PDZRN3: variants seen among roughly 807,000 people sequenced by gnomAD.
The protein encoded by PDZRN3 is E3 ubiquitin-protein ligase PDZRN3.
Under a neutral mutation model 85.7 loss-of-function variants are expected in PDZRN3, and 38 were observed. The observed-to-expected ratio is 0.44, with a 90% CI of 0.34 to 0.58. The LOEUF (loss-of-function observed/expected upper bound fraction) is 0.58, where lower values mean the gene tolerates loss of function less well. Among genes scored for constraint, PDZRN3 ranks in the 20% least tolerant of loss-of-function variants. The probability of loss-of-function intolerance (pLI) is 0.01; values close to 1 mark genes in which losing one functional copy is unlikely to be tolerated. For missense variants in PDZRN3, 1,629 were observed against 1,506.4 expected, an observed-to-expected ratio of 1.08 and a Z score of -1.35; for synonymous variants, 759 against 638.0, an observed-to-expected ratio of 1.19 and a Z score of -2.86.
intron 3 of PDZRN3, among the ~76,000 whole-genome samples, chr3:73,425,339 T>C (rs1186887562): frequency 1.3e-5 from 2 of 152,116 alleles, no homozygotes; most frequent in Admixed American, 1.3e-4. Context: ...TAGTCTTATA[T>C]AATAATGATT....
At chr3:73,463,920 A>G (rs151276083) in intron 3 of PDZRN3, among the ~76,000 whole-genome samples, 95 of 152,292 alleles carry the variant, frequency 6.2e-4, no homozygotes, top group Middle Eastern at 3.4e-3. Flanking sequence ...AAACCTGCAC[A>G]TCCTGCACGT....
intron 3 of PDZRN3, among the ~76,000 whole-genome samples, chr3:73,427,439 C>A (rs1487897018): frequency 1.3e-5 from 2 of 152,138 alleles, no homozygotes; most frequent in Admixed American, 6.5e-5. Flanking sequence ...TACCCACCCC[C>A]CCACCACCGC....
chr3:73,573,122 G>A (rs1702067732), intron 3 of PDZRN3, among the ~76,000 whole-genome samples: 1 of 152,124 alleles, frequency 6.6e-6, no homozygotes, highest in African/African-American at 2.4e-5. Context: ...CTGTCCCAAG[G>A]GCCTCTCTGA....
intron 3 of PDZRN3, among the ~76,000 whole-genome samples, chr3:73,419,244 T>C (rs1702151039): frequency 6.6e-6 from 1 of 152,214 alleles, no homozygotes; most frequent in South Asian, 2.1e-4. Flanking sequence ...GGAGTTCATG[T>C]ACATGACTTT....
chr3:73,426,547 G>C (rs1702319283), intron 3 of PDZRN3, among the ~76,000 whole-genome samples: 1 of 152,104 alleles, frequency 6.6e-6, no homozygotes. Flanking sequence ...CCAACAGATG[G>C]CTAAATTTTT....
intron 3 of PDZRN3, among the ~76,000 whole-genome samples, chr3:73,539,636 C>T (rs757039655): frequency 2.0e-5 from 3 of 152,084 alleles, no homozygotes; most frequent in Non-Finnish European, 2.9e-5. Context: ...GCACCAACTG[C>T]AAGATGAACA....
At chr3:73,550,013 G>A (rs1701514789) in intron 3 of PDZRN3, among the ~76,000 whole-genome samples, 1 of 152,122 alleles carries the variant, frequency 6.6e-6, no homozygotes, top group Non-Finnish European at 1.5e-5. Flanking sequence ...GCAAACAGAG[G>A]GTATGGTCCA....
In PDZRN3 at chr3:73,388,033, C is replaced by T. The variant is rs747518866; in HGVS notation, c.1453G>A (p.Val485Met). ...GIEVQNREEA[V>M]ALLTSEENKN... The stretch of plus-strand genomic sequence containing the variant: ...TTTTCTTCACTGGTTAGAAGAGCCA[C>T]AGCCTCTTCACGGTTCTGCACCTCT... The change falls in exon 8 of 10, where the codon GTG becomes ATG. Residue 485 changes from valine (V) to methionine (M), a missense_variant. Transcript: ENST00000263666. 2 of 1,577,352 alleles carry T rather than the reference C, an allele frequency of 1.3e-6. No individual in the cohort carries two copies. The highest frequency in any genetic ancestry group is 3.4e-5 in the Admixed American group (2 of 58,438).
At chr3:73,474,691 A>T in intron 3 of PDZRN3, 1 of 972,854 alleles carries the variant, frequency 1.0e-6, no homozygotes, top group South Asian at 2.4e-5. Flanking sequence ...ACTGAACAAA[A>T]GAGGAGCAGC....
chr3:73,624,481 C>T lies in PDZRN3; in HGVS notation c.345G>A (p.Ala115=). 1.4e-6 allele frequency: 2 copies of T among 1,402,534 alleles called. No individual in the cohort carries two copies. The highest frequency in any genetic ancestry group is 3.1e-5 in the South Asian group (2 of 64,332). The allele number at this position is 1,402,534 out of a possible 1,614,324, so 86.9% of individuals were successfully genotyped here. The change falls in exon 1 of 10, where the codon GCG becomes GCA. Residue 115 remains alanine (A), a synonymous_variant. Coordinates refer to ENST00000263666, the MANE Select transcript of PDZRN3 (RefSeq NM_015009.3). ...GCCGCAGCAGCACCTGGCCGCAACCCGCGTGGCGACAGCGCGCGGGCGCGA... is the reference window on the plus strand; with the variant it reads ...GCCGCAGCAGCACCTGGCCGCAACCTGCGTGGCGACAGCGCGCGGGCGCGA... ...CDFAPARCRH[A]GCGQVLLRRD... is the part of the protein sequence containing the mutation.
At chr3:73,595,102 G>A (rs932155439) in intron 3 of PDZRN3, among the ~76,000 whole-genome samples, 3 of 152,132 alleles carry the variant, frequency 2.0e-5, no homozygotes, top group Non-Finnish European at 2.9e-5. Flanking sequence ...TGTCATTGTC[G>A]TTATGTATAC....
intron 3 of PDZRN3, among the ~76,000 whole-genome samples, chr3:73,501,290 C>T (rs1208722403): frequency 6.6e-6 from 1 of 152,212 alleles, no homozygotes; most frequent in Non-Finnish European, 1.5e-5. Flanking sequence ...CTCTCTGAGT[C>T]CTTTCCACTG....
intron 3 of PDZRN3, among the ~76,000 whole-genome samples, chr3:73,572,274 C>T (rs577725482): frequency 6.6e-6 from 1 of 152,332 alleles, no homozygotes; most frequent in East Asian, 1.9e-4. Context: ...TATCTCTTCT[C>T]CCTCTTTCAG....
In PDZRN3 at chr3:73,438,840, A is replaced by T. The variant is rs186058528; in HGVS notation, c.919-34445T>A. On this transcript the variant is annotated intron_variant, in intron 3 of 9. Transcript: ENST00000263666. ...CCCAATTTCTCATGTGCATGGACCC[A>T]ACTTCTCTTAGTCTGCCCAGCCTCA... 1.2e-3 allele frequency among the ~76,000 whole-genome samples: 182 copies of T among 152,326 alleles called. 6 individuals are homozygous for T. The highest frequency in any genetic ancestry group is 8.5e-3 in the Admixed American group (130 of 15,304).
intron 3 of PDZRN3, among the ~76,000 whole-genome samples, chr3:73,516,945 A>C (rs1381832488): frequency 1.3e-5 from 2 of 152,220 alleles, no homozygotes; most frequent in Non-Finnish European, 2.9e-5. Context: ...GAAAATGAGG[A>C]CAAGTTGCTG....
intron 1 of PDZRN3, among the ~76,000 whole-genome samples, chr3:73,620,344 T>C (rs1290625662): frequency 1.3e-5 from 2 of 152,212 alleles, no homozygotes; most frequent in African/African-American, 4.8e-5. Context: ...ATGTCCAGAA[T>C]TGTTCCTTTC....
chr3:73,444,068 T>A (rs951722924), intron 3 of PDZRN3, among the ~76,000 whole-genome samples: 2 of 152,176 alleles, frequency 1.3e-5, no homozygotes, highest in African/African-American at 4.8e-5. Flanking sequence ...CAGCCTTTCC[T>A]ATCTGTCTCC....
chr3:73,441,816 G>C (rs1008128180), intron 3 of PDZRN3, among the ~76,000 whole-genome samples: 1 of 152,194 alleles, frequency 6.6e-6, no homozygotes, highest in African/African-American at 2.4e-5. Context: ...CAATGTACTC[G>C]TGAGGATGCC....
chr3:73,596,214 T>C (rs1426796387), intron 3 of PDZRN3, among the ~76,000 whole-genome samples: 2 of 152,058 alleles, frequency 1.3e-5, no homozygotes, highest in African/African-American at 2.4e-5. Context: ...TGAGTCCATA[T>C]TGACAGAGGA....
Sources: gnomAD v4.1 joint callset for allele counts (sites outside exome capture counted in the v4.1 genomes callset) on GRCh38, gnomAD v4.1.1 for gene constraint, MANE v1.5 for transcripts, NCBI Gene and HGNC (gene_info 2026-07-23, HGNC 2026-07-21) for gene names.